Variants in ZNF599 observed in about 807,000 individuals in gnomAD.
The protein encoded by ZNF599 is zinc finger protein 599.
A neutral mutation model predicts 11.7 loss-of-function variants in ZNF599; 10 were observed. That is an observed-to-expected ratio of 0.86 (90% CI 0.53 to 1.45). The LOEUF (loss-of-function observed/expected upper bound fraction) is 1.45, where lower values mean the gene tolerates loss of function less well. Ranked by LOEUF, ZNF599 falls within the 40% of genes most tolerant of loss-of-function variation. The pLI is 0.00. For synonymous variants in ZNF599, 232 were observed against 253.2 expected, an observed-to-expected ratio of 0.92 and a Z score of 0.79; for missense variants, 688 against 713.6, an observed-to-expected ratio of 0.96 and a Z score of 0.41.
chr19:34,779,402 T>G, the ZNF599 span: 1 of 447,796 alleles, frequency 2.2e-6, no homozygotes, highest in South Asian at 1.6e-5. Flanking sequence ...TGCCCAGCCC[T>G]GACCTTTTTC....
At chr19:34,778,475 G>T in the ZNF599 span, among the ~76,000 whole-genome samples, 1 of 152,004 alleles carries the variant, frequency 6.6e-6, no homozygotes, top group Non-Finnish European at 1.5e-5. Context: ...ACTGATAAAC[G>T]TCTAGCAAAG....
At chr19:34,777,385 T>TA (rs1156733122), upstream of ZNF599, among the ~76,000 whole-genome samples, 461 of 85,736 alleles carry the variant, frequency 5.4e-3, 1 homozygote, top group South Asian at 0.027. Context: ...TATATATTAA[T>TA]TAATATATAA....
chr19:34,800,750 T>A, the ZNF599 span, among the ~76,000 whole-genome samples: 1 of 151,818 alleles, frequency 6.6e-6, no homozygotes, highest in Non-Finnish European at 1.5e-5. Flanking sequence ...CGTGCACCAC[T>A]ACGCCCTACT....
At chr19:34,800,169 A>G in the ZNF599 span, among the ~76,000 whole-genome samples, 1 of 152,294 alleles carries the variant, frequency 6.6e-6, no homozygotes, top group African/African-American at 2.4e-5. Context: ...TTCACCTCAC[A>G]TATTTTGATG....
At chr19:34,796,413 T>C in the ZNF599 span, among the ~76,000 whole-genome samples, 2 of 151,700 alleles carry the variant, frequency 1.3e-5, no homozygotes, top group African/African-American at 4.8e-5. Context: ...TGGGTTCAAG[T>C]GGTCCTCCTA....
chr19:34,759,280 A>C lies in ZNF599; in HGVS notation c.1521T>G (p.Tyr507Ter). The C allele has an allele frequency of 6.2e-7, 1 of 1,614,248 alleles. No individual in the cohort carries two copies. The highest frequency in any genetic ancestry group is 8.5e-7 in the Non-Finnish European group (1 of 1,180,044). Reference sequence around the variant, plus strand: ...AAGCCTTTCCACATTCTCTACAAACATAGGGCTTCTCTCCAGTGTGAATCC... The same window carrying C: ...AAGCCTTTCCACATTCTCTACAAACCTAGGGCTTCTCTCCAGTGTGAATCC... ...HMRIHTGEKP[Y>*]VCRECGKAFT... The change falls in exon 4 of 4, where the codon TAT (tyrosine) becomes TAG (stop). Residue 507 changes from tyrosine (Y) to a stop codon, truncating the protein, a stop_gained. Coordinates refer to ENST00000329285, the MANE Select transcript of ZNF599 (RefSeq NM_001007248.3). LOFTEE classifies it low-confidence loss of function (END_TRUNC).
chr19:34,760,586 C>G (rs776224158), intron 3 of ZNF599, 27 bp from the exon 4 acceptor site: 2 of 1,557,602 alleles, frequency 1.3e-6, no homozygotes, highest in Non-Finnish European at 1.7e-6. Flanking sequence ...ATAAAAAAAA[C>G]TGAACATTAG....
the ZNF599 span, among the ~76,000 whole-genome samples, chr19:34,785,961 C>T: frequency 8.5e-5 from 13 of 152,228 alleles, no homozygotes; most frequent in African/African-American, 2.4e-4. Flanking sequence ...ATAAAATACA[C>T]GTAAGGCCCA....
At chr19:34,783,667 A>T in the ZNF599 span, among the ~76,000 whole-genome samples, 2 of 152,108 alleles carry the variant, frequency 1.3e-5, no homozygotes. Flanking sequence ...AATATAGAAA[A>T]TATTTTTTAA....
the ZNF599 span, among the ~76,000 whole-genome samples, chr19:34,804,214 C>A: frequency 6.6e-6 from 1 of 152,250 alleles, no homozygotes. Context: ...AATCCACTAT[C>A]CTGGCGAGTC....
chr19:34,803,084 C>G, the ZNF599 span, among the ~76,000 whole-genome samples: 19 of 152,214 alleles, frequency 1.2e-4, no homozygotes, highest in African/African-American at 4.6e-4. Context: ...GAGAGGTCAC[C>G]TGGCCAGGGA....
the ZNF599 span, among the ~76,000 whole-genome samples, chr19:34,787,469 A>G: frequency 6.6e-6 from 1 of 152,322 alleles, no homozygotes; most frequent in Non-Finnish European, 1.5e-5. Flanking sequence ...TTAAAAATAG[A>G]TCATGCAGGA....
At chr19:34,784,349 T>G in the ZNF599 span, among the ~76,000 whole-genome samples, 2 of 152,234 alleles carry the variant, frequency 1.3e-5, no homozygotes, top group African/African-American at 4.8e-5. Flanking sequence ...AGATGCACCC[T>G]CGGGATCTCA....
At chr19:34,800,544 T>C in the ZNF599 span, among the ~76,000 whole-genome samples, 1 of 151,902 alleles carries the variant, frequency 6.6e-6, no homozygotes, top group Non-Finnish European at 1.5e-5. Flanking sequence ...TCGAAGGCAT[T>C]CATTTGTGTT....
rs1224620698 is a variant in ZNF599, at chr19:34,759,415, G to A, written c.1386C>T (p.His462=). 1.4e-5 allele frequency: 22 copies of A among 1,613,908 alleles called. No homozygotes were observed. Among genetic ancestry groups the A allele is most frequent in the Non-Finnish European group, 1.9e-5 (22 of 1,179,974 alleles). Reference sequence around the variant, plus strand: ...TATTATGTCGAATAAAAACAGAGTGGTGTGTAAAAGCCTTTCCACATTCAC... The same window carrying A: ...TATTATGTCGAATAAAAACAGAGTGATGTGTAAAAGCCTTTCCACATTCAC... The part of the protein sequence containing the change: ...ECSECGKAFT[H]HSVFIRHNRT... Residue 462 remains histidine, a synonymous_variant, in exon 4 of 4, where the codon CAC becomes CAT. Coordinates refer to ENST00000329285, the MANE Select transcript of ZNF599 (RefSeq NM_001007248.3).
intron 1 of ZNF599, among the ~76,000 whole-genome samples, chr19:34,769,853 AAAC>A (rs1196630305): frequency 6.6e-6 from 1 of 152,216 alleles, no homozygotes; most frequent in Non-Finnish European, 1.5e-5. Flanking sequence ...ATAATAATTC[AAAC>A]AATAATCACA....
upstream of ZNF599, among the ~76,000 whole-genome samples, chr19:34,777,306 A>G (rs2069220558): frequency 9.5e-6 from 1 of 105,022 alleles, no homozygotes; most frequent in African/African-American, 3.6e-5. Flanking sequence ...GTTTTGTATT[A>G]TGTATATTTA....
At chr19:34,795,882 C>T in the ZNF599 span, among the ~76,000 whole-genome samples, 5,268 of 152,204 alleles carry the variant, frequency 0.035, 115 homozygotes, top group Non-Finnish European at 0.051. Context: ...AGTGCAATGG[C>T]ACAATCTCAG....
rs769661209 is a variant in ZNF599 at position 34,759,303 on chromosome 19, T to A, written c.1498A>T (p.Ile500Phe). ...YSSSFTRHMRIHTGEKPYVCR... is the reference protein window; with the variant it reads ...YSSSFTRHMRFHTGEKPYVCR... ...ACATAGGGCTTCTCTCCAGTGTGAATCCTCATGTGTCGAGTGAAGGAAGAG... is the reference window on the plus strand; with the variant it reads ...ACATAGGGCTTCTCTCCAGTGTGAAACCTCATGTGTCGAGTGAAGGAAGAG... Residue 500 changes from isoleucine (I) to phenylalanine (F), a missense_variant, in exon 4 of 4, where the codon ATT becomes TTT. By Grantham distance (21) the Ile-to-Phe change is conservative. Coordinates refer to ENST00000329285, the MANE Select transcript of ZNF599 (RefSeq NM_001007248.3). 1.2e-6 allele frequency: 2 copies of A among 1,614,252 alleles called. No homozygotes were observed. Among genetic ancestry groups the A allele is most frequent in the Non-Finnish European group, 1.7e-6 (2 of 1,180,050 alleles).
Sources: allele counts gnomAD v4.1 joint callset (sites outside exome capture counted in the v4.1 genomes callset), GRCh38; gene constraint gnomAD v4.1.1; transcripts MANE v1.5; gene names NCBI Gene and HGNC (gene_info 2026-07-23, HGNC 2026-07-21).